The following PPM1H variants were observed in gnomAD, a reference collection of about 807,000 sequenced individuals.
The protein encoded by PPM1H is protein phosphatase, Mg2+/Mn2+ dependent 1H.
In PPM1H, 27 loss-of-function variants were observed where a neutral mutation model predicts 54.9. The ratio of observed to expected loss-of-function variants is 0.49; its 90% CI spans 0.36 to 0.68. PPM1H has a LOEUF of 0.68. Among genes scored for constraint, PPM1H ranks in the 30% least tolerant of loss-of-function variants. The pLI, the probability that PPM1H is intolerant of heterozygous loss-of-function variation, is 0.00. For missense variants in PPM1H, 596 were observed against 667.8 expected, an observed-to-expected ratio of 0.89 and a Z score of 1.19; for synonymous variants, 305 against 270.8, an observed-to-expected ratio of 1.13 and a Z score of -1.24.
At chr12:62,659,268 GCAA>G (rs2075866967) in intron 9 of PPM1H, 42 of 14,044 alleles carry the variant, frequency 3.0e-3, no homozygotes, top group South Asian at 0.015. Context: ...CGTAAAAACT[GCAA>G]AAAAAAAAAA....
At chr12:62,918,666 G>T (rs185509289) in intron 1 of PPM1H, among the ~76,000 whole-genome samples, 5 of 152,242 alleles carry the variant, frequency 3.3e-5, no homozygotes, top group East Asian at 3.9e-4. Context: ...CTACAAGGAG[G>T]TTCATCCCAG....
chr12:62,653,033 C>T (rs1236567201), intron 9 of PPM1H, among the ~76,000 whole-genome samples: 1 of 152,042 alleles, frequency 6.6e-6, no homozygotes, highest in Non-Finnish European at 1.5e-5. Flanking sequence ...TGTTATTTTC[C>T]CTCAGCAGTT....
rs1344793785 is a variant in PPM1H, at chr12:62,771,089, A to C, written c.869+17137T>G. On this transcript the variant is annotated intron_variant, in intron 4 of 9. Coordinates refer to ENST00000228705, the MANE Select transcript of PPM1H (RefSeq NM_020700.2). ...ACACACACACACACACACACACACA[A>C]CTGTGTTTTTCGAATGCCTGAGAGC... 6.4e-5 allele frequency among the ~76,000 whole-genome samples: 5 copies of C among 78,464 alleles called. No homozygotes were observed. In the South Asian group the frequency reaches 1.4e-3, roughly 21 times the overall value. The allele number at this position is 78,464 out of a possible 152,430, so 51.5% of individuals were successfully genotyped here.
At chr12:62,665,306 C>G (rs1592531329) in intron 9 of PPM1H, among the ~76,000 whole-genome samples, 1 of 152,194 alleles carries the variant, frequency 6.6e-6, no homozygotes, top group African/African-American at 2.4e-5. Context: ...GCCTCCACCT[C>G]CCAAAGTGCT....
intron 1 of PPM1H, among the ~76,000 whole-genome samples, chr12:62,913,262 T>A (rs1283529361): frequency 6.6e-6 from 1 of 151,028 alleles, no homozygotes; most frequent in Non-Finnish European, 1.5e-5. Context: ...CCTGAAGGAG[T>A]CCCCAGAAGT....
intron 1 of PPM1H, among the ~76,000 whole-genome samples, chr12:62,854,038 C>G (rs1869291000): frequency 6.6e-6 from 1 of 151,576 alleles, no homozygotes; most frequent in Admixed American, 6.6e-5. Context: ...GGCAGCAGAC[C>G]AAAAAACAAA....
At chr12:62,712,088 C>T (rs772243518) in intron 6 of PPM1H, among the ~76,000 whole-genome samples, 6 of 152,224 alleles carry the variant, frequency 3.9e-5, no homozygotes, top group Admixed American at 6.5e-5. Context: ...ATCATCTCAG[C>T]TCTGGAAGCC....
Position 62,901,946 on chromosome 12 carries a change from T to C in PPM1H, c.245+32546A>G, listed in dbSNP as rs530299422. On this transcript the variant is annotated intron_variant, in intron 1 of 9. Coordinates refer to ENST00000228705, the MANE Select transcript of PPM1H (RefSeq NM_020700.2). ...ATTAGCTTCTAAGATTAGAATAAAA[T>C]GGGATAATAAAACAGAAAACAAATA... 7.2e-4 allele frequency among the ~76,000 whole-genome samples: 109 copies of C among 152,214 alleles called. 2 individuals are homozygous for C. The highest frequency in any genetic ancestry group is 2.4e-3 in the African/African-American group (99 of 41,544).
At chr12:62,914,083 C>T (rs1871546105) in intron 1 of PPM1H, among the ~76,000 whole-genome samples, 1 of 152,104 alleles carries the variant, frequency 6.6e-6, no homozygotes, top group Non-Finnish European at 1.5e-5. Context: ...AAATCTGATC[C>T]CCAATGTTGA....
intron 4 of PPM1H, among the ~76,000 whole-genome samples, chr12:62,738,465 C>T (rs914391470): frequency 5.3e-5 from 8 of 152,096 alleles, no homozygotes; most frequent in African/African-American, 7.2e-5. Context: ...TTTGAGGGAA[C>T]GGCGTTCCCC....
rs753465106 is a variant in PPM1H, at chr12:62,858,781, T to G, written c.246-26502A>C. On this transcript the variant is annotated intron_variant, in intron 1 of 9. Transcript: ENST00000228705. ...GACTATTATTCAATGTCAGTTTTAT[T>G]CCTCAGCTATAACACCTTTATAATT... Among the ~76,000 whole-genome samples the G allele has an allele frequency of 3.3e-5, 5 of 152,226 alleles. 1 individual carries two copies. Among genetic ancestry groups the G allele is most frequent in the African/African-American group, 4.8e-5 (2 of 41,454 alleles).
At chr12:62,662,936 A>C (rs1450059603) in intron 9 of PPM1H, among the ~76,000 whole-genome samples, 2 of 152,164 alleles carry the variant, frequency 1.3e-5, no homozygotes, top group African/African-American at 4.8e-5. Flanking sequence ...CTATATCCCT[A>C]AACAATATAT....
At chr12:62,688,172 G>T (rs1470368308) in intron 8 of PPM1H, among the ~76,000 whole-genome samples, 1 of 152,196 alleles carries the variant, frequency 6.6e-6, no homozygotes, top group Non-Finnish European at 1.5e-5. Flanking sequence ...ATGTAACACA[G>T]TTCTGGCCAA....
At chr12:62,882,152 T>A (rs187468641) in intron 1 of PPM1H, among the ~76,000 whole-genome samples, 68 of 152,352 alleles carry the variant, frequency 4.5e-4, no homozygotes, top group Admixed American at 3.9e-4. Flanking sequence ...TATATTAAGC[T>A]ATGGTGATGA....
At chr12:62,890,715 T>TAC (rs1491185615) in intron 1 of PPM1H, among the ~76,000 whole-genome samples, 13 of 98,482 alleles carry the variant, frequency 1.3e-4, no homozygotes, top group African/African-American at 7.1e-4. Context: ...CGTGTGTGTG[T>TAC]ATACACACAC....
chr12:62,671,668 T>C (rs988149453), intron 8 of PPM1H, among the ~76,000 whole-genome samples: 6 of 152,208 alleles, frequency 3.9e-5, no homozygotes, highest in African/African-American at 1.2e-4. Flanking sequence ...GATGAGGTCA[T>C]GGTGGACCTC....
At chr12:62,658,879 C>A (rs2136602704) in intron 9 of PPM1H, 1 of 624,516 alleles carries the variant, frequency 1.6e-6, no homozygotes, top group East Asian at 3.4e-5. Context: ...CCAAGAAGTT[C>A]ATCCAGCACC....
At chr12:62,877,356 C>A (rs1349984027) in intron 1 of PPM1H, among the ~76,000 whole-genome samples, 2 of 152,218 alleles carry the variant, frequency 1.3e-5, no homozygotes, top group East Asian at 3.9e-4. Context: ...AGGCACTAAG[C>A]ACTTTCTGCA....
intron 1 of PPM1H, among the ~76,000 whole-genome samples, chr12:62,860,158 C>A (rs752062868): frequency 1.3e-5 from 2 of 152,116 alleles, no homozygotes; most frequent in African/African-American, 2.4e-5. Flanking sequence ...TCCTTCTTCA[C>A]ATGGTGGTGG....
Sources: allele counts gnomAD v4.1 joint callset (sites outside exome capture counted in the v4.1 genomes callset), GRCh38; gene constraint gnomAD v4.1.1; transcripts MANE v1.5; gene names NCBI Gene and HGNC (gene_info 2026-07-23, HGNC 2026-07-21).